RIPOR1: variants seen among roughly 807,000 people sequenced by gnomAD.
RIPOR1 encodes RHO family interacting cell polarization regulator 1.
In RIPOR1, 58 loss-of-function variants were observed where a neutral mutation model predicts 116.5. That is an observed-to-expected ratio of 0.50 (90% confidence interval 0.40 to 0.62). The LOEUF (loss-of-function observed/expected upper bound fraction) is 0.62, where lower values mean the gene tolerates loss of function less well. Ranked by LOEUF, RIPOR1 falls within the 20% of genes least tolerant of loss-of-function variation. The pLI is 0.00. For synonymous variants in RIPOR1, 605 were observed against 650.0 expected, an observed-to-expected ratio of 0.93 and a Z score of 1.05; for missense variants, 1,372 against 1,586.2, an observed-to-expected ratio of 0.86 and a Z score of 2.29.
At chr16:67,535,615 A>G (rs2050772025) in intron 1 of RIPOR1, among the ~76,000 whole-genome samples, 1 of 152,226 alleles carries the variant, frequency 6.6e-6, no homozygotes, top group Non-Finnish European at 1.5e-5. Flanking sequence ...TGACTGGCAC[A>G]TGCTTGGCAC....
chr16:67,542,345 AC>A lies in RIPOR1; in HGVS notation c.1562del (p.Pro521LeufsTer7). On this transcript the variant is annotated frameshift_variant, in exon 13 of 22. Coordinates refer to ENST00000042381, the MANE Select transcript of RIPOR1 (RefSeq NM_024519.4). LOFTEE classifies it high-confidence loss of function. This position sits in a 1 kb window ranked among gnomAD's most constrained non-coding sequence, Gnocchi z 4.6. Reference sequence around the variant, plus strand: ...ACAGGCTCTGTCCCCACATCTACAGACCCTGCCCCATCTGCACACCTAGACT... The same window carrying A: ...ACAGGCTCTGTCCCCACATCTACAGACCTGCCCCATCTGCACACCTAGACT... ...GTTGSVPTST[D>X]PAPSAHLDSV... The A allele has an allele frequency of 6.2e-7, 1 of 1,613,456 alleles. No individual in the cohort carries two copies. Among genetic ancestry groups the A allele is most frequent in the South Asian group, 1.1e-5 (1 of 91,056 alleles).
chr16:67,545,887 G>A lies in RIPOR1; in HGVS notation c.3387+27G>A. The A allele has an allele frequency of 6.2e-7, 1 of 1,611,252 alleles. No individual in the cohort carries two copies. The highest frequency in any genetic ancestry group is 8.5e-7 in the Non-Finnish European group (1 of 1,178,322). On this transcript the variant is annotated intron_variant, in intron 19 of 21. Coordinates refer to ENST00000042381, the MANE Select transcript of RIPOR1 (RefSeq NM_024519.4). The surrounding 1 kb of genome is among the most constrained non-coding windows in gnomAD (Gnocchi z 4.8). ...TGAGTTGGACAGGGCTCCCTTGAGGGCGAGGGCTGGGGTCCTGGACTCCCA... is the reference window on the plus strand; with the variant it reads ...TGAGTTGGACAGGGCTCCCTTGAGGACGAGGGCTGGGGTCCTGGACTCCCA...
chr16:67,543,598 G>A lies in RIPOR1; in HGVS notation c.2600+129G>A, dbSNP rs2051069375. 7.4e-7 allele frequency: 1 copy of A among 1,342,874 alleles called. No individual in the cohort carries two copies. Among genetic ancestry groups the A allele is most frequent in the African/African-American group, 1.4e-5 (1 of 69,350 alleles). The allele number at this position is 1,342,874 out of a possible 1,614,324, so 83.2% of individuals were successfully genotyped here. On this transcript the variant is annotated intron_variant, in intron 14 of 21. Coordinates refer to ENST00000042381, the MANE Select transcript of RIPOR1 (RefSeq NM_024519.4). This position sits in a 1 kb window ranked among gnomAD's most constrained non-coding sequence, Gnocchi z 4.7. ...AGGACAGGTGAGGCAGGGCCAGGTG[G>A]AGCATGTGAGGACTGAGTTGCTGGC...
chr16:67,545,753 G>C lies in RIPOR1; in HGVS notation c.3280G>C (p.Gly1094Arg). 6.2e-7 allele frequency: 1 copy of C among 1,611,782 alleles called. No homozygotes were observed. The change falls in exon 19 of 22, where the codon GGG becomes CGG. Residue 1094 changes from glycine to arginine, a missense_variant. Around this residue, in one of 3 missense-constraint regions of RIPOR1, gnomAD observed 1,005 missense variants for 1,144.7 expected, o/e 0.88. Coordinates refer to ENST00000042381, the MANE Select transcript of RIPOR1 (RefSeq NM_024519.4). This position sits in a 1 kb window ranked among gnomAD's most constrained non-coding sequence, Gnocchi z 4.8. ...GCCCGAGGGGCGTCTGCGAAGGGAC[G>C]GGCTGCGGGCCCTCAGCTCCCTGCT... ...LAPEGRLRRD[G>R]LRALSSLLVH...
chr16:67,545,264 G>A lies in RIPOR1; in HGVS notation c.3032-112G>A. 1 of 1,517,146 alleles carries A rather than the reference G, an allele frequency of 6.6e-7. No homozygotes were observed. 94.0% of individuals were successfully genotyped at this position (1,517,146 alleles called of 1,614,324 possible). A position where few individuals can be genotyped will look rare whatever the true frequency, so the allele number is the denominator to read the frequency against. On this transcript the variant is annotated intron_variant, in intron 17 of 21. Transcript: ENST00000042381. This position sits in a 1 kb window ranked among gnomAD's most constrained non-coding sequence, Gnocchi z 4.8. ...GGCCTTAGAGCAGAAGGACCCAGATGGGTGGGGTTTGAACAGGGGGCCCCT... is the reference window on the plus strand; with the variant it reads ...GGCCTTAGAGCAGAAGGACCCAGATAGGTGGGGTTTGAACAGGGGGCCCCT...
chr16:67,539,032 G>A lies in RIPOR1; in HGVS notation c.300G>A (p.Gln100=). Residue 100 remains glutamine (Q), a synonymous_variant, in exon 4 of 22, where the codon CAG becomes CAA. Coordinates refer to ENST00000042381, the MANE Select transcript of RIPOR1 (RefSeq NM_024519.4). ...ACCAGCAGGAGCAAGAGAAACTCCA[G>A]GGGCAGATAAGGGAGTCCAAGAGGA... ...EVHQQEQEKL[Q]GQIRESKRNS... 1 of 1,613,604 alleles carries A rather than the reference G, an allele frequency of 6.2e-7. No homozygotes were observed. The highest frequency in any genetic ancestry group is 8.5e-7 in the Non-Finnish European group (1 of 1,179,890).
upstream of RIPOR1, among the ~76,000 whole-genome samples, chr16:67,526,933 C>A (rs1255214327): frequency 6.6e-6 from 1 of 152,122 alleles, no homozygotes; most frequent in Non-Finnish European, 1.5e-5. Flanking sequence ...GGGATGGGGA[C>A]AATGCTGAGG....
chr16:67,534,827 CTTTTTTTCTTTTTTTTTTTT>C (rs2050750827), intron 1 of RIPOR1, among the ~76,000 whole-genome samples: 1 of 119,576 alleles, frequency 8.4e-6, no homozygotes, highest in Non-Finnish European at 1.8e-5. Context: ...CTAGGGTTTT[CTTTTTTTCTTTTTTTTTTTT>C]TTTTTTTTTT....
At position 67,540,070 on chromosome 16, in the gene RIPOR1, G is replaced by T; in HGVS notation, c.432G>T (p.Glu144Asp). Residue 144 changes from glutamate (E) to aspartate (D), a missense_variant, in exon 7 of 22, where the codon GAG (glutamate) becomes GAT (aspartate). Physicochemically the swap from Glu to Asp is conservative, Grantham distance 45. This residue lies in a region of RIPOR1 where 202 missense variants were observed against 295.9 expected (regional missense o/e 0.68). Transcript: ENST00000042381. This position sits in a 1 kb window ranked among gnomAD's most constrained non-coding sequence, Gnocchi z 4.7. The stretch of plus-strand genomic sequence containing the variant: ...CTTCCCAGATCGATGAGCTGTATGA[G>T]GCATACTGTGTCCAGCGGCGTCTCC... ...FHASKIDELY[E>D]AYCVQRRLRD... 1 of 1,614,192 alleles carries T rather than the reference G, an allele frequency of 6.2e-7. No homozygotes were observed. The highest frequency in any genetic ancestry group is 8.5e-7 in the Non-Finnish European group (1 of 1,180,026).
rs1236158517 is a variant in RIPOR1, at chr16:67,545,752, C to T, written c.3279C>T (p.Asp1093=). The change falls in exon 19 of 22, where the codon GAC becomes GAT. Residue 1093 remains aspartate (D), a synonymous_variant. Coordinates refer to ENST00000042381, the MANE Select transcript of RIPOR1 (RefSeq NM_024519.4). The surrounding 1 kb of genome is among the most constrained non-coding windows in gnomAD (Gnocchi z 4.8). ...CGCCCGAGGGGCGTCTGCGAAGGGA[C>T]GGGCTGCGGGCCCTCAGCTCCCTGC... ...RLAPEGRLRR[D]GLRALSSLLV... The T allele has an allele frequency of 7.4e-6, 12 of 1,611,460 alleles. No homozygotes were observed. The Admixed American group carries it at 8.4e-5, about 11-fold the overall frequency.
Position 67,540,087 on chromosome 16 carries a change from G to A in RIPOR1, c.449G>A (p.Arg150Gln), listed in dbSNP as rs1170593293. The A allele has an allele frequency of 1.9e-6, 3 of 1,614,172 alleles. No homozygotes were observed. The highest frequency in any genetic ancestry group is 1.7e-5 in the Admixed American group (1 of 60,026). Residue 150 changes from arginine to glutamine, a missense_variant, in exon 7 of 22, where the codon CGG (arginine) becomes CAG (glutamine). By Grantham distance (43) the Arg-to-Gln change is conservative (BLOSUM62 1). Coordinates refer to ENST00000042381, the MANE Select transcript of RIPOR1 (RefSeq NM_024519.4). The surrounding 1 kb of genome is among the most constrained non-coding windows in gnomAD (Gnocchi z 4.7). ...DELYEAYCVQ[R>Q]RLRDGAYNMV... ...CTGTATGAGGCATACTGTGTCCAGC[G>A]GCGTCTCCGGGATGGTGCCTACAAC... is the stretch of plus-strand genomic sequence containing the variant.
chr16:67,528,859 C>G lies in RIPOR1; in HGVS notation c.-79C>G, dbSNP rs2050576974. ...CAGCGGCAGCTGCGGCGCGACCAGGCCGGGCACCTCCGAGCGCAAGGACAG... is the reference window on the plus strand; with the variant it reads ...CAGCGGCAGCTGCGGCGCGACCAGGGCGGGCACCTCCGAGCGCAAGGACAG... On this transcript the variant is annotated 5_prime_UTR_variant, in exon 1 of 22. Transcript: ENST00000042381. 3 of 168,458 alleles carry G rather than the reference C, an allele frequency of 1.8e-5. No individual in the cohort carries two copies. The Admixed American group carries it at 1.9e-4, about 11-fold the overall frequency. 10.4% of individuals were successfully genotyped at this position (168,458 alleles called of 1,614,324 possible). A position where few individuals can be genotyped will look rare whatever the true frequency, so the allele number is the denominator to read the frequency against.
Position 67,542,909 on chromosome 16 carries a change from C to T in RIPOR1, c.2123C>T (p.Pro708Leu), listed in dbSNP as rs747741608. The change falls in exon 13 of 22, where the codon CCC (proline) becomes CTC (leucine). Residue 708 changes from proline to leucine, a missense_variant. Physicochemically the swap from Pro to Leu is moderately conservative, Grantham distance 98. Coordinates refer to ENST00000042381, the MANE Select transcript of RIPOR1 (RefSeq NM_024519.4). This position sits in a 1 kb window ranked among gnomAD's most constrained non-coding sequence, Gnocchi z 4.6. ...LPGTDSLPCS[P>L]PVSNSYTQAD... ...GGCACTGACTCCCTTCCCTGTAGTC[C>T]CCCAGTCTCCAATTCCTACACTCAG... 1 of 1,607,602 alleles carries T rather than the reference C, an allele frequency of 6.2e-7. No individual in the cohort carries two copies. Among genetic ancestry groups the T allele is most frequent in the Non-Finnish European group, 8.5e-7 (1 of 1,176,052 alleles).
At chr16:67,523,354 T>G (rs1340460989) in intron 1 of RIPOR1, among the ~76,000 whole-genome samples, 1 of 151,652 alleles carries the variant, frequency 6.6e-6, no homozygotes, top group Non-Finnish European at 1.5e-5. Context: ...GGTGAAACCC[T>G]GTCTCTACTA....
At position 67,543,751 on chromosome 16, in the gene RIPOR1, C is replaced by T. The variant is rs1458973614; in HGVS notation, c.2600+282C>T. On this transcript the variant is annotated intron_variant, in intron 14 of 21. Coordinates refer to ENST00000042381, the MANE Select transcript of RIPOR1 (RefSeq NM_024519.4). This position sits in a 1 kb window ranked among gnomAD's most constrained non-coding sequence, Gnocchi z 4.7. ...TGCCTCCCCTGCCGGTCCCCATCAG[C>T]TTGGGTGCCTCCAGCCCCTCCTCTT... 2.0e-6 allele frequency: 1 copy of T among 493,448 alleles called. No individual in the cohort carries two copies. The highest frequency in any genetic ancestry group is 3.7e-6 in the Non-Finnish European group (1 of 270,382). The allele number at this position is 493,448 out of a possible 1,614,324, so 30.6% of individuals were successfully genotyped here. A position where few individuals can be genotyped will look rare whatever the true frequency, so the allele number is the denominator to read the frequency against.
chr16:67,539,895 G>A lies in RIPOR1; in HGVS notation c.410G>A (p.Ser137Asn), dbSNP rs761920550. ...CTGCGACGACTGGAGTTCCATGCCA[G>A]CAAGGTACGAGTGCAGCATGTGTGC... The part of the protein sequence containing the change: ...RFLRRLEFHA[S>N]KIDELYEAYC... Residue 137 changes from serine (S) to asparagine (N), a missense_variant, in exon 6 of 22, where the codon AGC becomes AAC. By Grantham distance (46) the Ser-to-Asn change is conservative. Coordinates refer to ENST00000042381, the MANE Select transcript of RIPOR1 (RefSeq NM_024519.4). The A allele has an allele frequency of 1.2e-6, 2 of 1,614,094 alleles. No individual in the cohort carries two copies. Among genetic ancestry groups the A allele is most frequent in the Non-Finnish European group, 8.5e-7 (1 of 1,180,024 alleles).
chr16:67,545,442 G>T lies in RIPOR1; in HGVS notation c.3098G>T (p.Gly1033Val). The part of the protein sequence containing the change: ...KLPRRPQPGP[G>V]EQLTVFQFWS... ...CCCAGAAGGCCCCAGCCAGGGCCTG[G>T]AGAGCAGCTCACAGTCTTCCAGTTC... The change falls in exon 18 of 22, where the codon GGA becomes GTA. Residue 1033 changes from glycine (G) to valine (V), a missense_variant. Gly to Val is a moderately radical substitution (Grantham distance 109). Coordinates refer to ENST00000042381, the MANE Select transcript of RIPOR1 (RefSeq NM_024519.4). This position sits in a 1 kb window ranked among gnomAD's most constrained non-coding sequence, Gnocchi z 4.8. 1 of 1,614,058 alleles carries T rather than the reference G, an allele frequency of 6.2e-7. No homozygotes were observed. Among genetic ancestry groups the T allele is most frequent in the South Asian group, 1.1e-5 (1 of 91,088 alleles).
At chr16:67,539,978 G>A (rs1416510483) in intron 6 of RIPOR1, 75 bp from the exon 7 acceptor site, 4 of 1,613,854 alleles carry the variant, frequency 2.5e-6, no homozygotes, top group Non-Finnish European at 3.4e-6. Flanking sequence ...CAGGCCCTGG[G>A]TGAGCAACCT....
At position 67,541,076 on chromosome 16, in the gene RIPOR1, A is replaced by G. The variant is rs2050967337; in HGVS notation, c.802-354A>G. On this transcript the variant is annotated intron_variant, in intron 10 of 21. Coordinates refer to ENST00000042381, the MANE Select transcript of RIPOR1 (RefSeq NM_024519.4). This position sits in a 1 kb window ranked among gnomAD's most constrained non-coding sequence, Gnocchi z 4.6. ...TGAGCATGCATGTGTCTGTCTATCT[A>G]TCTAGGAGTTGGCGGGTCTCACTCT... Among the ~76,000 whole-genome samples, 1 of 151,664 alleles carries G rather than the reference A, an allele frequency of 6.6e-6. No individual in the cohort carries two copies. The highest frequency in any genetic ancestry group is 2.1e-4 in the South Asian group (1 of 4,798).
Sources: gnomAD v4.1 joint callset for allele counts (sites outside exome capture counted in the v4.1 genomes callset) on GRCh38, gnomAD v4.1.1 for gene constraint, gnomAD v4.1.1 regional missense constraint, Gnocchi (gnomAD v3.1) non-coding constraint, MANE v1.5 for transcripts, NCBI Gene and HGNC (gene_info 2026-07-23, HGNC 2026-07-21) for gene names.